LOC112694756: variants seen among roughly 807,000 people sequenced by gnomAD.
chr16:30,057,161 C>T, the LOC112694756 span, among the ~76,000 whole-genome samples: 10 of 152,152 alleles, frequency 6.6e-5, no homozygotes, highest in South Asian at 1.7e-3. Context: ...CTGCCTGCCT[C>T]GGCCTCCTAA....
At chr16:30,053,982 C>G in the LOC112694756 span, among the ~76,000 whole-genome samples, 1 of 152,090 alleles carries the variant, frequency 6.6e-6, no homozygotes, top group East Asian at 1.9e-4. Context: ...GAGCCATGAT[C>G]ATGCCGCTGC....
At chr16:30,059,309 A>G in the LOC112694756 span, among the ~76,000 whole-genome samples, 2 of 151,872 alleles carry the variant, frequency 1.3e-5, no homozygotes, top group Admixed American at 1.3e-4. Context: ...CATCCTGGCT[A>G]ACACGGTAAA....
At chr16:30,067,559 T>C in the LOC112694756 span, 1 of 1,613,586 alleles carries the variant, frequency 6.2e-7, no homozygotes, top group Non-Finnish European at 8.5e-7. Flanking sequence ...ACCCCTGCAT[T>C]GGGGGTGTCA....
the LOC112694756 span, among the ~76,000 whole-genome samples, chr16:30,054,091 G>A: frequency 2.0e-5 from 3 of 151,940 alleles, no homozygotes; most frequent in Non-Finnish European, 4.4e-5. Flanking sequence ...AGGCCGAGGC[G>A]GGCGGATCAC....
At chr16:30,069,385 A>C in the LOC112694756 span, 1 of 1,614,058 alleles carries the variant, frequency 6.2e-7, no homozygotes, top group African/African-American at 1.3e-5. Flanking sequence ...TATGTGACCG[A>C]GAAGGTAAAT....
chr16:30,070,035 G>A, the LOC112694756 span: 1 of 1,613,762 alleles, frequency 6.2e-7, no homozygotes. Flanking sequence ...CCCTGGTAAG[G>A]ATAGGCAGGA....
the LOC112694756 span, chr16:30,069,280 C>T: frequency 1.9e-6 from 3 of 1,613,466 alleles, no homozygotes; most frequent in Non-Finnish European, 2.5e-6. Flanking sequence ...GGAGGCCTCA[C>T]AGTGACCCTG....
At chr16:30,056,717 C>T in the LOC112694756 span, among the ~76,000 whole-genome samples, 1 of 151,918 alleles carries the variant, frequency 6.6e-6, no homozygotes, top group Non-Finnish European at 1.5e-5. Flanking sequence ...CCTCCCACCT[C>T]AGCCTCCTGA....
chr16:30,057,803 C>T, the LOC112694756 span, among the ~76,000 whole-genome samples: 9 of 152,070 alleles, frequency 5.9e-5, no homozygotes, highest in South Asian at 4.2e-4. Context: ...TGGTGGCACT[C>T]GCCTGTAATC....
the LOC112694756 span, among the ~76,000 whole-genome samples, chr16:30,056,047 C>T: frequency 6.9e-6 from 1 of 144,568 alleles, no homozygotes; most frequent in East Asian, 2.1e-4. Flanking sequence ...ATGATCCACC[C>T]GCCTTGGCTG....
the LOC112694756 span, among the ~76,000 whole-genome samples, chr16:30,059,548 T>C: frequency 3.7e-3 from 550 of 150,076 alleles, 4 homozygotes; most frequent in Middle Eastern, 0.01. Flanking sequence ...TTTTTTTTTT[T>C]CCCAGGCAGG....
the LOC112694756 span, chr16:30,054,917 A>G: frequency 2.5e-6 from 1 of 399,098 alleles, no homozygotes; most frequent in African/African-American, 2.1e-5. Context: ...CTGACTAGGA[A>G]CTGCCTGCTG....
chr16:30,070,017 C>G, the LOC112694756 span: 4 of 1,613,780 alleles, frequency 2.5e-6, no homozygotes, highest in Non-Finnish European at 3.4e-6. Flanking sequence ...AGGAGTATGT[C>G]AAGCGAGCCC....
At chr16:30,067,232 A>G in the LOC112694756 span, 3 of 1,612,238 alleles carry the variant, frequency 1.9e-6, no homozygotes, top group Non-Finnish European at 2.5e-6. Context: ...TCCTGTATCC[A>G]GGAACTTGCT....
the LOC112694756 span, chr16:30,070,256 C>T: frequency 6.3e-7 from 1 of 1,593,732 alleles, no homozygotes; most frequent in Non-Finnish European, 8.6e-7. Flanking sequence ...AGGCCCTGCC[C>T]CCTCCCACTC....
chr16:30,070,107 C>G, the LOC112694756 span: 1 of 1,613,872 alleles, frequency 6.2e-7, no homozygotes, highest in Non-Finnish European at 8.5e-7. Flanking sequence ...CCACCCCTCT[C>G]CCTGCTTAGG....
chr16:30,055,370 A>G, the LOC112694756 span: 2 of 399,014 alleles, frequency 5.0e-6, no homozygotes, highest in Non-Finnish European at 4.4e-6. Flanking sequence ...GCCCTGATCT[A>G]GGTATGATCG....
chr16:30,067,410 G>A, the LOC112694756 span: 5 of 1,613,952 alleles, frequency 3.1e-6, no homozygotes, highest in South Asian at 1.1e-5. Context: ...AGGGTTGGGA[G>A]TGGCAGGCTG....
chr16:30,061,821 AGTT>A, the LOC112694756 span, among the ~76,000 whole-genome samples: 7 of 151,446 alleles, frequency 4.6e-5, no homozygotes, highest in East Asian at 1.4e-3. Flanking sequence ...TGGCCTCCCA[AGTT>A]GTTGGGATTA....
Sources: allele counts gnomAD v4.1 joint callset (sites outside exome capture counted in the v4.1 genomes callset), GRCh38; gene constraint gnomAD v4.1.1; transcripts MANE v1.5.